Variants in ZIC4 observed in about 807,000 individuals in gnomAD.
ZIC4 encodes zinc finger protein ZIC 4.
In ZIC4, 15 loss-of-function variants were observed where a neutral mutation model predicts 28.8. The observed-to-expected ratio is 0.52, with a 90% CI of 0.35 to 0.80. The LOEUF (loss-of-function observed/expected upper bound fraction) is 0.80. ZIC4 is among the 30% of genes least tolerant of loss of function. The pLI, the probability that ZIC4 is intolerant of heterozygous loss-of-function variation, is 0.01. For missense variants in ZIC4, 512 were observed against 467.1 expected (o/e 1.10, Z -0.89); for synonymous variants, 220 against 198.1 (o/e 1.11, Z -0.93).
chr3:147,405,440 G>T (rs768212375), intron 1 of ZIC4: 2 of 1,537,168 alleles, frequency 1.3e-6, no homozygotes, highest in East Asian at 2.4e-5. Context: ...AAGCCCCTCC[G>T]CTTTCCTAAG....
At chr3:147,403,263 C>A (rs189873146) in intron 1 of ZIC4, among the ~76,000 whole-genome samples, 2 of 152,244 alleles carry the variant, frequency 1.3e-5, no homozygotes, top group East Asian at 3.9e-4. Flanking sequence ...TGATTTATAA[C>A]TGTTGGAACC....
intron 4 of ZIC4, among the ~76,000 whole-genome samples, chr3:147,389,580 G>T (rs570351270): frequency 1.6e-4 from 24 of 152,204 alleles, no homozygotes; most frequent in Admixed American, 1.2e-3. Flanking sequence ...CCCTGCAGAT[G>T]GGGGGAGGGG....
chr3:147,405,808 C>A, intron 1 of ZIC4: 1 of 379,908 alleles, frequency 2.6e-6, no homozygotes, highest in Non-Finnish European at 4.9e-6. Context: ...CGGAGAAGTT[C>A]CATCGTCTTG....
At chr3:147,392,652 G>C (rs887842223) in intron 3 of ZIC4, 5 of 160,602 alleles carry the variant, frequency 3.1e-5, no homozygotes, top group Non-Finnish European at 6.6e-5. Flanking sequence ...TGCTTCTCCC[G>C]CCGCATCCAG....
chr3:147,398,589 A>T (rs2087101474), intron 2 of ZIC4, among the ~76,000 whole-genome samples: 1 of 152,086 alleles, frequency 6.6e-6, no homozygotes, highest in Non-Finnish European at 1.5e-5. Context: ...TCGTCCGGCG[A>T]TTTAAAGGGC....
chr3:147,392,777 T>C (rs1258292025), intron 3 of ZIC4: 1 of 152,212 alleles, frequency 6.6e-6, no homozygotes, highest in African/African-American at 2.4e-5. Flanking sequence ...AATCAGCGGC[T>C]CCTGAGCCCG....
rs1031038382 is a variant in ZIC4, at chr3:147,396,546, G to A, written c.71-77C>T. 59 of 1,457,834 alleles carry A rather than the reference G, an allele frequency of 4.0e-5. No individual in the cohort carries two copies. Among genetic ancestry groups the A allele is most frequent in the Middle Eastern group, 2.5e-4 (1 of 3,982 alleles). The allele number at this position is 1,457,834 out of a possible 1,614,324, so 90.3% of individuals were successfully genotyped here. A position where few individuals can be genotyped will look rare whatever the true frequency, so the allele number is the denominator to read the frequency against. ...CTCTTCCCTGGGCCCCGGGGGGCAG[G>A]CCCAGCCCTGCCGCACTACGGCCTC... On this transcript the variant is annotated intron_variant, in intron 2 of 4. Coordinates refer to ENST00000383075, the MANE Select transcript of ZIC4 (RefSeq NM_032153.6). This position sits in a 1 kb window ranked among gnomAD's most constrained non-coding sequence, Gnocchi z 4.2.
intron 1 of ZIC4, chr3:147,404,245 C>A: frequency 2.1e-6 from 3 of 1,440,434 alleles, no homozygotes; most frequent in Non-Finnish European, 2.7e-6. Context: ...ACCCATAAGG[C>A]AGCCCCAACC....
intron 2 of ZIC4, 65 bp downstream of exon 2, chr3:147,402,663 A>C: frequency 6.8e-7 from 1 of 1,461,166 alleles, no homozygotes; most frequent in Non-Finnish European, 9.3e-7. Context: ...TACTTAAAAA[A>C]AAAAAAGAAG....
intron 4 of ZIC4, chr3:147,389,086 A>AAGG (rs925562313): frequency 1.7e-6 from 1 of 581,488 alleles, no homozygotes; most frequent in African/African-American, 1.9e-5. Flanking sequence ...TCACTATGGG[A>AAGG]AGGAGTTGTT....
At chr3:147,404,090 G>A in intron 1 of ZIC4, 1 of 1,536,932 alleles carries the variant, frequency 6.5e-7, no homozygotes, top group Non-Finnish European at 8.7e-7. Flanking sequence ...TCCTACAGAA[G>A]GGCGGCATGC....
chr3:147,400,837 T>A (rs1015948245), intron 2 of ZIC4, among the ~76,000 whole-genome samples: 7 of 151,986 alleles, frequency 4.6e-5, no homozygotes, highest in Non-Finnish European at 1.0e-4. Context: ...GGCTAAGGAA[T>A]GGTGTCTCCT....
intron 2 of ZIC4, among the ~76,000 whole-genome samples, chr3:147,400,670 A>C (rs2087146885): frequency 6.6e-6 from 1 of 152,236 alleles, no homozygotes; most frequent in Admixed American, 6.5e-5. Context: ...AGGATCTTCA[A>C]GGTATATCTT....
In ZIC4 at chr3:147,391,046, C is replaced by A; in HGVS notation, c.889G>T (p.Gly297Cys). ...VHGRSPPPSS[G>C]YDSATPSALV... ...GCAGACGGTGTAGCCGAATCGTAGC[C>A]AGAGCTGGGCGGCGGCGAGCGCCCG... Residue 297 changes from glycine (G) to cysteine (C), a missense_variant, in exon 4 of 5, where the codon GGC (glycine) becomes TGC (cysteine). By Grantham distance (159) the Gly-to-Cys change is radical. This residue lies in a region of ZIC4 where 144 missense variants were observed against 116.8 expected (regional missense o/e 1.23). Transcript: ENST00000383075. The A allele has an allele frequency of 6.2e-7, 1 of 1,613,954 alleles. No individual in the cohort carries two copies. Among genetic ancestry groups the A allele is most frequent in the African/African-American group, 1.3e-5 (1 of 75,052 alleles).
chr3:147,389,728 G>C (rs2086870894), intron 4 of ZIC4, among the ~76,000 whole-genome samples: 1 of 152,104 alleles, frequency 6.6e-6, no homozygotes, highest in South Asian at 2.1e-4. Context: ...GACCCACTGG[G>C]TGTTTGCCTT....
intron 3 of ZIC4, chr3:147,392,353 C>T (rs2086944393): frequency 4.1e-6 from 4 of 985,488 alleles, no homozygotes; most frequent in Non-Finnish European, 4.8e-6. Context: ...CCCTGTAGAG[C>T]CGAGGGAAGG....
At chr3:147,403,275 A>C (rs1180465865) in intron 1 of ZIC4, among the ~76,000 whole-genome samples, 1 of 152,220 alleles carries the variant, frequency 6.6e-6, no homozygotes, top group Non-Finnish European at 1.5e-5. Flanking sequence ...GTTGGAACCA[A>C]GAGGAGAGGA....
intron 3 of ZIC4, among the ~76,000 whole-genome samples, chr3:147,395,340 G>A (rs759994961): frequency 5.3e-5 from 8 of 152,084 alleles, no homozygotes; most frequent in Non-Finnish European, 7.3e-5. Context: ...CCTAGTGTCC[G>A]GCCACCAAGG....
At chr3:147,399,399 C>T (rs2087118184) in intron 2 of ZIC4, among the ~76,000 whole-genome samples, 3 of 152,172 alleles carry the variant, frequency 2.0e-5, no homozygotes, top group African/African-American at 7.2e-5. Flanking sequence ...TGGACTGAAT[C>T]CATGAAGGAC....
Sources: allele counts gnomAD v4.1 joint callset (sites outside exome capture counted in the v4.1 genomes callset), GRCh38; gene constraint gnomAD v4.1.1; regional missense constraint gnomAD v4.1.1; non-coding constraint Gnocchi (gnomAD v3.1); transcripts MANE v1.5; gene names NCBI Gene and HGNC (gene_info 2026-07-23, HGNC 2026-07-21).